Variants in NMUR1 observed in about 807,000 individuals in gnomAD.
The protein encoded by NMUR1 is neuromedin-U receptor 1.
In NMUR1, 16 loss-of-function variants were observed where a neutral mutation model predicts 18.8. The ratio of observed to expected loss-of-function variants is 0.85; its 90% CI spans 0.58 to 1.29. NMUR1 has a LOEUF of 1.29. Ranked by LOEUF, NMUR1 falls within the 50% of genes most tolerant of loss-of-function variation. The pLI is 0.00. For synonymous variants in NMUR1, 258 were observed against 258.2 expected (o/e 1.00, Z 0.01); for missense variants, 529 against 580.3 (o/e 0.91, Z 0.91).
chr2:231,525,102 C>T lies in NMUR1; in HGVS notation c.1222G>A (p.Val408Ile). Residue 408 changes from valine (V) to isoleucine (I), a missense_variant, in exon 3 of 3, where the codon GTC (valine) becomes ATC (isoleucine). Coordinates refer to ENST00000305141, the MANE Select transcript of NMUR1 (RefSeq NM_006056.5). ...LCDVGSLGSW[V>I]HPLAGNDGPE... ...CCATCGTTCCCAGCCAGGGGGTGGA[C>T]CCAGCTGCCCAGGGAGCCCACATCA... is the stretch of plus-strand genomic sequence containing the variant. The T allele has an allele frequency of 6.2e-7, 1 of 1,611,028 alleles. No homozygotes were observed. The highest frequency in any genetic ancestry group is 8.5e-7 in the Non-Finnish European group (1 of 1,178,336).
chr2:231,527,991 C>CACAT (rs1223718613), intron 2 of NMUR1, 132 bp downstream of exon 2: 11 of 916,364 alleles, frequency 1.2e-5, no homozygotes, highest in Middle Eastern at 3.5e-4. Context: ...CACACACACA[C>CACAT]ACACACACGA....
chr2:231,527,141 T>C (rs1039935236), intron 2 of NMUR1, among the ~76,000 whole-genome samples: 3 of 151,700 alleles, frequency 2.0e-5, no homozygotes, highest in African/African-American at 7.3e-5. Flanking sequence ...GATCTCACTG[T>C]GTAGTTCCAC....
At chr2:231,527,345 G>A (rs2047366446) in intron 2 of NMUR1, among the ~76,000 whole-genome samples, 2 of 152,206 alleles carry the variant, frequency 1.3e-5, no homozygotes, top group Admixed American at 1.3e-4. Context: ...GCCAAGACAC[G>A]TTAATAACCA....
rs757393622 is a variant in NMUR1, at chr2:231,528,928, G to T, written c.93C>A (p.Ala31=). The T allele has an allele frequency of 4.6e-5, 75 of 1,614,140 alleles. No individual in the cohort carries two copies. The highest frequency in any genetic ancestry group is 6.3e-5 in the Non-Finnish European group (74 of 1,180,028). ...RNPMACNGSA[A]RGHFDPEDLN... is the part of the protein sequence containing the mutation. Reference sequence around the variant, plus strand: ...AGTCCTCAGGGTCAAAGTGCCCCCTGGCCGCACTGCCATTGCAAGCCATGG... The same window carrying T: ...AGTCCTCAGGGTCAAAGTGCCCCCTTGCCGCACTGCCATTGCAAGCCATGG... The change falls in exon 2 of 3, where the codon GCC becomes GCA. Residue 31 remains alanine, a synonymous_variant. Transcript: ENST00000305141.
At chr2:231,518,549 T>C (rs1407058106), downstream of NMUR1, among the ~76,000 whole-genome samples, 5 of 152,160 alleles carry the variant, frequency 3.3e-5, no homozygotes, top group Non-Finnish European at 5.9e-5. Context: ...TGCAGGAAAA[T>C]GATGGAATCA....
chr2:231,526,100 C>T (rs555223797), intron 2 of NMUR1, among the ~76,000 whole-genome samples: 1 of 151,942 alleles, frequency 6.6e-6, no homozygotes, highest in East Asian at 1.9e-4. Context: ...TTGCCCACCC[C>T]CTCCCTAACA....
At chr2:231,527,114 G>T (rs1385639472) in intron 2 of NMUR1, among the ~76,000 whole-genome samples, 2 of 151,996 alleles carry the variant, frequency 1.3e-5, no homozygotes, top group African/African-American at 4.8e-5. Flanking sequence ...CTTCTCTGGG[G>T]GACTTTGCTC....
At chr2:231,522,390 C>A (rs1487019789), downstream of NMUR1, among the ~76,000 whole-genome samples, 3 of 151,958 alleles carry the variant, frequency 2.0e-5, no homozygotes, top group East Asian at 5.8e-4. Context: ...GTGCCTCTGA[C>A]TGTGGTTGAA....
intron 2 of NMUR1, among the ~76,000 whole-genome samples, chr2:231,527,354 C>T (rs2047366504): frequency 6.6e-6 from 1 of 152,148 alleles, no homozygotes; most frequent in African/African-American, 2.4e-5. Flanking sequence ...CGTTAATAAC[C>T]AAAGAGAGCC....
chr2:231,525,538 C>T, intron 2 of NMUR1, 113 bp from the exon 3 acceptor site: 1 of 1,206,030 alleles, frequency 8.3e-7, no homozygotes, highest in Non-Finnish European at 1.1e-6. Flanking sequence ...ACAGGCCACC[C>T]TCACCTATCA....
downstream of NMUR1, among the ~76,000 whole-genome samples, chr2:231,520,485 C>G (rs746288004): frequency 2.0e-5 from 3 of 152,206 alleles, no homozygotes; most frequent in Non-Finnish European, 4.4e-5. Context: ...CTCTTTCACC[C>G]CTGTAAGTGG....
In NMUR1 at chr2:231,528,648, A is replaced by T; in HGVS notation, c.373T>A (p.Tyr125Asn). The change falls in exon 2 of 3, where the codon TAC becomes AAC. Residue 125 changes from tyrosine (Y) to asparagine (N), a missense_variant. Transcript: ENST00000305141. Reference protein sequence around the residue: ...PLELYEMWHNYPFLLGVGGCY... With the variant: ...PLELYEMWHNNPFLLGVGGCY... ...CCACCAACGCCCAGCAGGAAGGGGT[A>T]GTTGTGCCACATCTCATAGAGCTCC... 6.2e-7 allele frequency: 1 copy of T among 1,614,222 alleles called. No homozygotes were observed. Among genetic ancestry groups the T allele is most frequent in the Non-Finnish European group, 8.5e-7 (1 of 1,180,034 alleles).
At chr2:231,522,217 T>C (rs2047311868), downstream of NMUR1, among the ~76,000 whole-genome samples, 1 of 151,724 alleles carries the variant, frequency 6.6e-6, no homozygotes, top group Non-Finnish European at 1.5e-5. Flanking sequence ...ACTCCTGAGC[T>C]CAGGTGATCC....
chr2:231,524,874 A>G lies in NMUR1; in HGVS notation c.*169T>C. On this transcript the variant is annotated 3_prime_UTR_variant, in exon 3 of 3. Coordinates refer to ENST00000305141, the MANE Select transcript of NMUR1 (RefSeq NM_006056.5). The stretch of plus-strand genomic sequence containing the variant: ...CAGTGTGAGTCCTCAGCAGTCAGGG[A>G]TCCCTCCTCCTGCTGTTTCCCTCTG... The G allele has an allele frequency of 1.2e-6, 1 of 801,896 alleles. No homozygotes were observed. The highest frequency in any genetic ancestry group is 1.9e-6 in the Non-Finnish European group (1 of 538,646). The allele number at this position is 801,896 out of a possible 1,614,324, so 49.7% of individuals were successfully genotyped here.
At chr2:231,522,110 G>A (rs1024273328), downstream of NMUR1, among the ~76,000 whole-genome samples, 9 of 151,070 alleles carry the variant, frequency 6.0e-5, no homozygotes, top group African/African-American at 2.2e-4. Context: ...CTTCCAAGTA[G>A]CTGGGACCAC....
chr2:231,527,540 G>A (rs2047368130), intron 2 of NMUR1, among the ~76,000 whole-genome samples: 1 of 151,864 alleles, frequency 6.6e-6, no homozygotes, highest in South Asian at 2.1e-4. Context: ...TACTTAGGAG[G>A]CTGAGTGAGG....
intron 2 of NMUR1, among the ~76,000 whole-genome samples, chr2:231,526,420 C>G (rs1253968495): frequency 1.3e-5 from 2 of 152,142 alleles, no homozygotes; most frequent in Non-Finnish European, 2.9e-5. Context: ...AGAGAGAAGG[C>G]CAGCAAGCAG....
chr2:231,519,753 A>G (rs943158260), downstream of NMUR1, among the ~76,000 whole-genome samples: 6 of 152,288 alleles, frequency 3.9e-5, no homozygotes, highest in African/African-American at 1.4e-4. Flanking sequence ...TTAGAAGCAC[A>G]CTGGGGTTCT....
chr2:231,523,562 C>A lies in NMUR1; in HGVS notation c.*1481G>T, dbSNP rs144323176. On this transcript the variant is annotated 3_prime_UTR_variant, in exon 3 of 3. Transcript: ENST00000305141. The stretch of plus-strand genomic sequence containing the variant: ...ACTAAACATCTGCAACCCTGTACCA[C>A]GTCCTCCACTTTCTCGGCAGGGAGC... 176 of 195,412 alleles carry A rather than the reference C, an allele frequency of 9.0e-4. No individual in the cohort carries two copies. The highest frequency in any genetic ancestry group is 1.6e-3 in the Non-Finnish European group (156 of 97,588). 12.1% of individuals were successfully genotyped at this position (195,412 alleles called of 1,614,324 possible).
Sources: gnomAD v4.1 joint callset for allele counts (sites outside exome capture counted in the v4.1 genomes callset) on GRCh38, gnomAD v4.1.1 for gene constraint, MANE v1.5 for transcripts, NCBI Gene and HGNC (gene_info 2026-07-23, HGNC 2026-07-21) for gene names.